Variants in MBNL2 observed in about 807,000 individuals in gnomAD.
The protein encoded by MBNL2 is muscleblind like splicing regulator 2.
A neutral mutation model predicts 41.9 loss-of-function variants in MBNL2; 17 were observed. That is an observed-to-expected ratio of 0.41 (90% CI 0.28 to 0.61). The LOEUF (loss-of-function observed/expected upper bound fraction) is 0.61. MBNL2 is among the 20% of genes least tolerant of loss of function. The pLI is 0.35. For synonymous variants in MBNL2, 195 were observed against 182.9 expected, an observed-to-expected ratio of 1.07 and a Z score of -0.53; for missense variants, 336 against 505.6, an observed-to-expected ratio of 0.66 and a Z score of 3.22.
rs533290621 is a variant in MBNL2 at position 97,283,186 on chromosome 13, T to C, written c.174+6777T>C. ...TCTTCCTCCCCTTGCTCCCTCAGTGTGGATGCTCTCCAAGACTTAGGATCA... is the reference window on the plus strand; with the variant it reads ...TCTTCCTCCCCTTGCTCCCTCAGTGCGGATGCTCTCCAAGACTTAGGATCA... On this transcript the variant is annotated intron_variant, in intron 2 of 8. Coordinates refer to ENST00000679496, the MANE Select transcript of MBNL2 (RefSeq NM_001382683.1). Among the ~76,000 whole-genome samples, 16 of 152,322 alleles carry C rather than the reference T, an allele frequency of 1.1e-4. No homozygotes were observed. In the South Asian group the frequency reaches 2.7e-3, roughly 26 times the overall value.
rs1368277106 is a variant in MBNL2, at chr13:97,268,292, G to A, written c.-604-7340G>A. Among the ~76,000 whole-genome samples, 1 of 152,098 alleles carries A rather than the reference G, an allele frequency of 6.6e-6. No individual in the cohort carries two copies. The highest frequency in any genetic ancestry group is 1.9e-4 in the East Asian group (1 of 5,190). The stretch of plus-strand genomic sequence containing the variant: ...TTTTTTTCTATTTTTTGTAGACATG[G>A]GGTTTCACCATGCTTTCCAGGCTGG... On this transcript the variant is annotated intron_variant, in intron 1 of 8. Transcript: ENST00000679496. The surrounding 1 kb of genome is among the most constrained non-coding windows in gnomAD (Gnocchi z 4.6).
rs751893172 is a variant in MBNL2 at position 97,346,785 on chromosome 13, CTCT to C, written c.541-13_541-11del. ...GCTCAGGCTTGCCTCTGCAGCGCGG[CTCT>C]TCTTCCCTGTCTTAGGTATGCAGGG... On this transcript the variant is annotated splice_polypyrimidine_tract_variant and intron_variant, in intron 4 of 8. Transcript: ENST00000679496. This position sits in a 1 kb window ranked among gnomAD's most constrained non-coding sequence, Gnocchi z 4.2. 1 of 1,611,620 alleles carries C rather than the reference CTCT, an allele frequency of 6.2e-7. No homozygotes were observed. Among genetic ancestry groups the C allele is most frequent in the South Asian group, 1.1e-5 (1 of 90,834 alleles).
chr13:97,253,163 T>C (rs897836379), intron 1 of MBNL2, among the ~76,000 whole-genome samples: 1 of 152,162 alleles, frequency 6.6e-6, no homozygotes, highest in African/African-American at 2.4e-5. Flanking sequence ...ACACATCAGT[T>C]TCCTGCTGGC....
intron 1 of MBNL2, among the ~76,000 whole-genome samples, chr13:97,237,395 G>A (rs917615758): frequency 3.9e-5 from 6 of 152,216 alleles, no homozygotes; most frequent in African/African-American, 1.4e-4. Flanking sequence ...AGAAATGTAT[G>A]AAAGATAGTG....
At chr13:97,233,938 AC>A (rs1429506268) in intron 1 of MBNL2, among the ~76,000 whole-genome samples, 1 of 149,606 alleles carries the variant, frequency 6.7e-6, no homozygotes, top group African/African-American at 2.5e-5. Context: ...TGACGGCCCC[AC>A]CACACCACTC....
At chr13:97,360,582 C>T (rs2063316865) in intron 7 of MBNL2, among the ~76,000 whole-genome samples, 1 of 152,110 alleles carries the variant, frequency 6.6e-6, no homozygotes, top group South Asian at 2.1e-4. Context: ...TTCTTATAGA[C>T]ATTATCTCAT....
intron 4 of MBNL2, among the ~76,000 whole-genome samples, 195 bp downstream of exon 4, chr13:97,343,411 T>A (rs2061582535): frequency 1.3e-5 from 2 of 152,188 alleles, no homozygotes; most frequent in Admixed American, 1.3e-4. Context: ...AATTAGTCTA[T>A]GGAAAAGACT....
intron 2 of MBNL2, among the ~76,000 whole-genome samples, chr13:97,291,727 T>C (rs892821478): frequency 1.3e-5 from 2 of 150,150 alleles, no homozygotes; most frequent in Non-Finnish European, 3.0e-5. Flanking sequence ...AAAACCCTTC[T>C]CTGCTAAAAA....
intron 1 of MBNL2, among the ~76,000 whole-genome samples, chr13:97,241,728 T>C (rs1300237854): frequency 4.3e-4 from 66 of 152,130 alleles, no homozygotes; most frequent in South Asian, 4.1e-4. Flanking sequence ...CCAAAAGCCA[T>C]TGGAGAACCC....
the MBNL2 span, among the ~76,000 whole-genome samples, chr13:97,167,966 T>G: frequency 6.6e-6 from 1 of 152,144 alleles, no homozygotes; most frequent in African/African-American, 2.4e-5. Flanking sequence ...TTTGGAGATA[T>G]ATATATATTT....
chr13:97,227,053 CAA>C (rs1201374167), intron 1 of MBNL2, among the ~76,000 whole-genome samples: 1 of 88,314 alleles, frequency 1.1e-5, no homozygotes, highest in Non-Finnish European at 2.4e-5. Flanking sequence ...AAAAAAAAAA[CAA>C]AAAAAAAATC....
At chr13:97,315,091 T>C (rs2058926063) in intron 2 of MBNL2, among the ~76,000 whole-genome samples, 1 of 152,248 alleles carries the variant, frequency 6.6e-6, no homozygotes, top group Non-Finnish European at 1.5e-5. Context: ...ATTGACATTT[T>C]CATTTTAGGG....
chr13:97,305,322 C>G (rs139077234), intron 2 of MBNL2, among the ~76,000 whole-genome samples: 1 of 152,276 alleles, frequency 6.6e-6, no homozygotes, highest in African/African-American at 2.4e-5. Flanking sequence ...TTACAATCTA[C>G]TACTTGGAAA....
chr13:97,250,972 A>G (rs2046393657), intron 1 of MBNL2, among the ~76,000 whole-genome samples: 1 of 152,022 alleles, frequency 6.6e-6, no homozygotes, highest in South Asian at 2.1e-4. Context: ...TGGATGCCAA[A>G]TATACAACTC....
chr13:97,286,513 C>T (rs1325524013), intron 2 of MBNL2, among the ~76,000 whole-genome samples: 1 of 152,234 alleles, frequency 6.6e-6, no homozygotes, highest in Admixed American at 6.5e-5. Flanking sequence ...CTCTAGCACT[C>T]AGCGATCCTT....
Position 97,240,564 on chromosome 13 carries a change from T to G in MBNL2, c.-605+18033T>G, listed in dbSNP as rs78911418. ...AGCAATTCTAGAAAGAGCAGGGGCT[T>G]TGACATGACTATTTCTGCAAATTCT... is the stretch of plus-strand genomic sequence containing the variant. On this transcript the variant is annotated intron_variant, in intron 1 of 8. Coordinates refer to ENST00000679496, the MANE Select transcript of MBNL2 (RefSeq NM_001382683.1). 4.7e-3 allele frequency among the ~76,000 whole-genome samples: 713 copies of G among 152,308 alleles called. 4 individuals are homozygous for G. Among genetic ancestry groups the G allele is most frequent in the African/African-American group, 0.016 (670 of 41,574 alleles).
In MBNL2 at chr13:97,222,511, G is replaced by C. The variant is rs923768394; in HGVS notation, c.-625G>C. The C allele has an allele frequency of 5.0e-6, 2 of 398,492 alleles. No homozygotes were observed. Among genetic ancestry groups the C allele is most frequent in the Non-Finnish European group, 8.8e-6 (2 of 226,058 alleles). 24.7% of individuals were successfully genotyped at this position (398,492 alleles called of 1,614,324 possible). On this transcript the variant is annotated 5_prime_UTR_variant, in exon 1 of 9. Transcript: ENST00000679496. ...TTCCTGGGGTTACTGTAAATGGGAA[G>C]GACAGGCAGAGCTAAACAAGGTAGG...
At chr13:97,218,446 A>AAACAAAAC (rs1566346394), upstream of MBNL2, among the ~76,000 whole-genome samples, 3 of 150,236 alleles carry the variant, frequency 2.0e-5, no homozygotes, top group African/African-American at 7.5e-5. Context: ...AAAACAAAAA[A>AAACAAAAC]AAAAAACTGG....
upstream of MBNL2, among the ~76,000 whole-genome samples, chr13:97,219,344 A>G (rs2040669703): frequency 6.6e-6 from 1 of 152,290 alleles, no homozygotes; most frequent in East Asian, 1.9e-4. Context: ...ACAGAGCCTC[A>G]TGGGCCATGT....
Sources: allele counts gnomAD v4.1 joint callset (sites outside exome capture counted in the v4.1 genomes callset), GRCh38; gene constraint gnomAD v4.1.1; non-coding constraint Gnocchi (gnomAD v3.1); transcripts MANE v1.5; gene names NCBI Gene and HGNC (gene_info 2026-07-23, HGNC 2026-07-21).